Variants in TNS3 observed in about 807,000 individuals in gnomAD.
TNS3 encodes the protein tensin-3.
TNS3 carries 45 observed loss-of-function variants against 140.9 expected under a neutral mutation model. The observed-to-expected ratio is 0.32, with a 90% CI of 0.25 to 0.41. The LOEUF is 0.41. Ranked by LOEUF, TNS3 falls within the 10% of genes least tolerant of loss-of-function variation. The pLI is 1.00. For missense variants in TNS3, 1,716 were observed against 1,906.7 expected (o/e 0.90, Z 1.86); for synonymous variants, 815 against 788.4 (o/e 1.03, Z -0.56).
At chr7:47,392,216 G>A (rs979761040) in intron 16 of TNS3, among the ~76,000 whole-genome samples, 10 of 152,174 alleles carry the variant, frequency 6.6e-5, no homozygotes, top group Non-Finnish European at 5.9e-5. Flanking sequence ...CAGGACCACA[G>A]ACCCACGGGG....
At chr7:47,398,099 C>T (rs1157071100) in intron 15 of TNS3, among the ~76,000 whole-genome samples, 2 of 152,008 alleles carry the variant, frequency 1.3e-5, no homozygotes, top group Non-Finnish European at 2.9e-5. Flanking sequence ...CAACCCTCCT[C>T]GATTAAATCA....
At chr7:47,519,263 A>C (rs2151913618) in intron 2 of TNS3, among the ~76,000 whole-genome samples, 5 of 132,894 alleles carry the variant, frequency 3.8e-5, no homozygotes, top group South Asian at 2.8e-4. Flanking sequence ...TCCCCCCCCA[A>C]CACAAGGCAC....
intron 6 of TNS3, among the ~76,000 whole-genome samples, chr7:47,439,138 G>A (rs1799374): frequency 0.27 from 41,069 of 152,164 alleles, 6,404 homozygotes; most frequent in Non-Finnish European, 0.34. Context: ...AGAGTCACAA[G>A]TTTGTCTCTT....
rs1785080813 is a variant in TNS3, at chr7:47,280,401, T to C, written c.4098-47A>G. 4 of 1,577,834 alleles carry C rather than the reference T, an allele frequency of 2.5e-6. No individual in the cohort carries two copies. The East Asian group carries it at 9.0e-5, about 35-fold the overall frequency. ...AGGATGGCTCCTGTTACTAGGGCTT[T>C]TGGGTGATGGGGGATGCACTGGGCG... is the stretch of plus-strand genomic sequence containing the variant. On this transcript the variant is annotated intron_variant, in intron 28 of 30. Transcript: ENST00000311160.
intron 23 of TNS3, among the ~76,000 whole-genome samples, chr7:47,299,437 G>C (rs1396822296): frequency 6.6e-6 from 1 of 152,096 alleles, no homozygotes; most frequent in Non-Finnish European, 1.5e-5. Flanking sequence ...CACTGCGCCG[G>C]GCCTACTTTT....
chr7:47,485,573 C>A (rs1226249716), intron 3 of TNS3, among the ~76,000 whole-genome samples: 1 of 152,228 alleles, frequency 6.6e-6, no homozygotes, highest in Non-Finnish European at 1.5e-5. Flanking sequence ...CTCCCGTTAG[C>A]AGCTACAGAA....
At chr7:47,506,054 C>G (rs1272169913) in intron 3 of TNS3, among the ~76,000 whole-genome samples, 1 of 152,162 alleles carries the variant, frequency 6.6e-6, no homozygotes, top group East Asian at 1.9e-4. Context: ...GTAGCAAAAT[C>G]CCAAGACTCT....
intron 27 of TNS3, 70 bp downstream of exon 27, chr7:47,291,885 A>G (rs1395931437): frequency 6.6e-7 from 1 of 1,521,148 alleles, no homozygotes; most frequent in African/African-American, 1.4e-5. Context: ...GAAGTGCAAA[A>G]GGAAGTTGTG....
chr7:47,446,937 C>T (rs1022188623), intron 4 of TNS3, among the ~76,000 whole-genome samples: 3 of 152,032 alleles, frequency 2.0e-5, no homozygotes, highest in Non-Finnish European at 2.9e-5. Context: ...ATCCACTGGC[C>T]TCGGTCTCCC....
At chr7:47,565,930 C>T (rs1000914986) in intron 1 of TNS3, among the ~76,000 whole-genome samples, 3 of 152,142 alleles carry the variant, frequency 2.0e-5, no homozygotes, top group Non-Finnish European at 4.4e-5. Context: ...AGCAACCAGC[C>T]ACAGTCTGAT....
rs538165740 is a variant in TNS3, at chr7:47,338,857, C to T, written c.2650+5898G>A. Among the ~76,000 whole-genome samples, 8 of 152,118 alleles carry T rather than the reference C, an allele frequency of 5.3e-5. No homozygotes were observed. In the East Asian group the frequency reaches 1.2e-3, roughly 22 times the overall value. ...ATTTTTTTTCTTTTGGGTGTATATC[C>T]GGTAATGGGACTGCTGGGTCAAATG... On this transcript the variant is annotated intron_variant, in intron 20 of 30. Transcript: ENST00000311160.
At chr7:47,515,689 C>T (rs1427790438) in intron 2 of TNS3, among the ~76,000 whole-genome samples, 4 of 151,960 alleles carry the variant, frequency 2.6e-5, no homozygotes, top group Non-Finnish European at 5.9e-5. Context: ...ACTAATATAC[C>T]ATCATCATCA....
chr7:47,464,194 C>A (rs1584716730), intron 4 of TNS3, among the ~76,000 whole-genome samples: 1 of 152,170 alleles, frequency 6.6e-6, no homozygotes, highest in Non-Finnish European at 1.5e-5. Flanking sequence ...GATTTATGTT[C>A]CCTACCTGAG....
At chr7:47,405,474 A>C (rs1793393386) in intron 13 of TNS3, 1 of 702,734 alleles carries the variant, frequency 1.4e-6, no homozygotes, top group African/African-American at 1.7e-5. Flanking sequence ...TCAAAGACTT[A>C]AGTCAGGCAG....
At chr7:47,529,455 C>T (rs1799315835) in intron 1 of TNS3, among the ~76,000 whole-genome samples, 2 of 152,210 alleles carry the variant, frequency 1.3e-5, no homozygotes, top group Admixed American at 1.3e-4. Flanking sequence ...AAATGCACTC[C>T]CTTCCAGACT....
At chr7:47,537,138 C>A (rs1369338775) in intron 1 of TNS3, among the ~76,000 whole-genome samples, 1 of 151,974 alleles carries the variant, frequency 6.6e-6, no homozygotes, top group African/African-American at 2.4e-5. Context: ...GGGAGCCGGG[C>A]TCGGCCGGGC....
rs1412388327 is a variant in TNS3, at chr7:47,430,618, G to T, written c.325-2242C>A. 3.3e-5 allele frequency among the ~76,000 whole-genome samples: 5 copies of T among 152,040 alleles called. No homozygotes were observed. The South Asian group carries it at 1.0e-3, about 32-fold the overall frequency. ...TATACAGAACATTGCATCAGAATAC[G>T]CATTCTTCTGAAGTGCACACAGAAA... On this transcript the variant is annotated intron_variant, in intron 8 of 30. Coordinates refer to ENST00000311160, the MANE Select transcript of TNS3 (RefSeq NM_022748.12).
chr7:47,581,866 C>T lies in TNS3; in HGVS notation c.-265+185G>A, dbSNP rs528475708. On this transcript the variant is annotated intron_variant, in intron 1 of 30. Coordinates refer to ENST00000311160, the MANE Select transcript of TNS3 (RefSeq NM_022748.12). ...TGACCCCATCCCCGCGCCCTGAGCT[C>T]CCGTACCCCGCGCTCCCCGAACTCT... is the stretch of plus-strand genomic sequence containing the variant. Among the ~76,000 whole-genome samples the T allele has an allele frequency of 4.2e-4, 64 of 151,132 alleles. 1 individual carries two copies. Among genetic ancestry groups the T allele is most frequent in the Admixed American group, 3.1e-3 (47 of 15,222 alleles).
intron 20 of TNS3, among the ~76,000 whole-genome samples, chr7:47,340,368 AC>A (rs1788931031): frequency 6.6e-6 from 1 of 150,650 alleles, no homozygotes; most frequent in Non-Finnish European, 1.5e-5. Flanking sequence ...TGATCTGCCC[AC>A]CCCTGCCTCC....
Sources: gnomAD v4.1 joint callset for allele counts (sites outside exome capture counted in the v4.1 genomes callset) on GRCh38, gnomAD v4.1.1 for gene constraint, MANE v1.5 for transcripts, NCBI Gene and HGNC (gene_info 2026-07-23, HGNC 2026-07-21) for gene names.